ZNF37A: variants seen among roughly 807,000 people sequenced by gnomAD.
The protein encoded by ZNF37A is zinc finger protein 37a (KOX 21).
Under a neutral mutation model 12.3 loss-of-function variants are expected in ZNF37A, and 10 were observed. That is an observed-to-expected ratio of 0.82 (90% CI 0.50 to 1.38). The LOEUF is 1.38. Among genes scored for constraint, ZNF37A ranks in the 40% most tolerant of loss-of-function variants. The pLI is 0.00. For missense variants in ZNF37A, 580 were observed against 651.2 expected, an observed-to-expected ratio of 0.89 and a Z score of 1.19; for synonymous variants, 207 against 223.0, an observed-to-expected ratio of 0.93 and a Z score of 0.64.
chr10:38,113,619 G>T (rs527469311), intron 5 of ZNF37A, among the ~76,000 whole-genome samples: 5 of 152,216 alleles, frequency 3.3e-5, no homozygotes, highest in East Asian at 1.9e-4. Flanking sequence ...ACGTTCTAAG[G>T]CCTCTATGCA....
chr10:38,109,514 T>A (rs1398305506), intron 5 of ZNF37A, among the ~76,000 whole-genome samples: 2 of 152,000 alleles, frequency 1.3e-5, no homozygotes, highest in East Asian at 1.9e-4. Context: ...GAGAAAGAAA[T>A]AAAGGGTATT....
At chr10:38,101,593 T>C (rs1477240794) in intron 5 of ZNF37A, among the ~76,000 whole-genome samples, 1 of 151,824 alleles carries the variant, frequency 6.6e-6, no homozygotes, top group Non-Finnish European at 1.5e-5. Flanking sequence ...TGACCTTTTT[T>C]TTTTTTAATC....
At chr10:38,100,879 A>G (rs1014786417) in intron 5 of ZNF37A, among the ~76,000 whole-genome samples, 4 of 152,150 alleles carry the variant, frequency 2.6e-5, no homozygotes, top group Non-Finnish European at 4.4e-5. Context: ...CAGGCATAAG[A>G]AATTATAAAA....
Position 38,118,381 on chromosome 10 carries a change from T to G in ZNF37A, c.1230T>G (p.Pro410=). 1 of 1,613,692 alleles carries G rather than the reference T, an allele frequency of 6.2e-7. No individual in the cohort carries two copies. Among genetic ancestry groups the G allele is most frequent in the Non-Finnish European group, 8.5e-7 (1 of 1,179,936 alleles). ...AAAGAATACACACAGGTGAAAAACCTTATGAATGTAATGAATGTGGGAAGT... is the reference window on the plus strand; with the variant it reads ...AAAGAATACACACAGGTGAAAAACCGTATGAATGTAATGAATGTGGGAAGT... ...KHQRIHTGEK[P]YECNECGKSF... Residue 410 remains proline, a synonymous_variant, in exon 8 of 8, where the codon CCT becomes CCG. Coordinates refer to ENST00000685332, the MANE Select transcript of ZNF37A (RefSeq NM_001324250.3).
At chr10:38,112,735 C>CTT (rs1225969782) in intron 5 of ZNF37A, among the ~76,000 whole-genome samples, 1 of 24,100 alleles carries the variant, frequency 4.1e-5, no homozygotes, top group Non-Finnish European at 8.6e-5. Context: ...CATCCATTTT[C>CTT]TTTTCTTTTC....
At chr10:38,131,335 C>G (rs576394079) in intron 7 of ZNF37A, among the ~76,000 whole-genome samples, 10 of 152,174 alleles carry the variant, frequency 6.6e-5, no homozygotes, top group African/African-American at 2.4e-4. Context: ...TTAGGTCTTG[C>G]CTTTAGATCA....
chr10:38,143,349 C>A (rs539671910), intron 7 of ZNF37A: 1 of 152,332 alleles, frequency 6.6e-6, no homozygotes, highest in South Asian at 2.1e-4. Flanking sequence ...TATTTAAGGG[C>A]TATACCAAGT....
In ZNF37A at chr10:38,114,745, G is replaced by A. The variant is rs2069100753; in HGVS notation, c.16-10G>A. On this transcript the variant is annotated splice_polypyrimidine_tract_variant and intron_variant, in intron 5 of 7. Transcript: ENST00000685332. ...ATCACTTCAGACTGAGCAAAATTGT[G>A]ATTTTCCAGGGATCAGTGTCGTTTA... 1 of 1,613,896 alleles carries A rather than the reference G, an allele frequency of 6.2e-7. No homozygotes were observed. The highest frequency in any genetic ancestry group is 1.3e-5 in the African/African-American group (1 of 74,898).
rs1564374401 is a variant in ZNF37A, at chr10:38,118,800, C to G, written c.1649C>G (p.Pro550Arg). ...CAGAGAATACACTTGGGGAGAAACC[C>G]TATAAATGTAGTAAACGAGGGAAAT... ...VHQRIHLGRN[P>R]INVVNEGNYS... is the part of the protein sequence containing the mutation. The change falls in exon 8 of 8, where the codon CCT (proline) becomes CGT (arginine). Residue 550 changes from proline (P) to arginine (R), a missense_variant. Pro to Arg is a moderately radical substitution (Grantham distance 103, BLOSUM62 -2). Coordinates refer to ENST00000685332, the MANE Select transcript of ZNF37A (RefSeq NM_001324250.3). The G allele has an allele frequency of 1.3e-6, 2 of 1,594,472 alleles. No individual in the cohort carries two copies. Among genetic ancestry groups the G allele is most frequent in the Admixed American group, 3.5e-5 (2 of 56,504 alleles).
intron 5 of ZNF37A, among the ~76,000 whole-genome samples, chr10:38,107,399 A>G (rs1196622058): frequency 1.3e-5 from 2 of 152,204 alleles, no homozygotes; most frequent in East Asian, 3.8e-4. Context: ...CACTGCAACA[A>G]CATACCAAAT....
intron 7 of ZNF37A, among the ~76,000 whole-genome samples, chr10:38,145,208 G>T (rs1359862492): frequency 2.6e-5 from 3 of 116,488 alleles, no homozygotes; most frequent in African/African-American, 9.8e-5. Flanking sequence ...AATAAAAGCG[G>T]ATCCAGGGAA....
chr10:38,095,329 A>T (rs1262501407), intron 2 of ZNF37A, 105 bp downstream of exon 2: 2 of 152,214 alleles, frequency 1.3e-5, no homozygotes, highest in Admixed American at 1.3e-4. Context: ...GGGTGGGAGG[A>T]GCAGAGGCTC....
chr10:38,107,018 C>G (rs2068158813), intron 5 of ZNF37A, among the ~76,000 whole-genome samples: 1 of 152,088 alleles, frequency 6.6e-6, no homozygotes. Context: ...CACAAAGATA[C>G]TCGTAAAGAA....
intron 5 of ZNF37A, among the ~76,000 whole-genome samples, chr10:38,112,732 TTTCTTTTCTTTTC>T (rs1227834016): frequency 1.4e-5 from 1 of 73,582 alleles, no homozygotes; most frequent in African/African-American, 5.5e-5. Context: ...TTACATCCAT[TTTCTTTTCTTTTC>T]TTTTCTTTTC....
chr10:38,129,066 C>T (rs1478410647), downstream of ZNF37A, among the ~76,000 whole-genome samples: 1 of 151,904 alleles, frequency 6.6e-6, no homozygotes, highest in Non-Finnish European at 1.5e-5. Context: ...AAATTCTTTA[C>T]ATAATGTTTC....
At chr10:38,115,992 T>C (rs2069243356) in intron 7 of ZNF37A, among the ~76,000 whole-genome samples, 1 of 152,048 alleles carries the variant, frequency 6.6e-6, no homozygotes, top group South Asian at 2.1e-4. Flanking sequence ...AGTCTTGCTT[T>C]AGCCTGGGAA....
At chr10:38,099,884 C>G (rs2067422627) in intron 5 of ZNF37A, among the ~76,000 whole-genome samples, 1 of 152,142 alleles carries the variant, frequency 6.6e-6, no homozygotes, top group South Asian at 2.1e-4. Flanking sequence ...TGATGTTGAG[C>G]ATATTTTCAT....
intron 5 of ZNF37A, among the ~76,000 whole-genome samples, chr10:38,104,837 T>C (rs201419104): frequency 6.6e-6 from 1 of 152,172 alleles, no homozygotes; most frequent in East Asian, 1.9e-4. Context: ...TGTCTATACA[T>C]ATTTTTTAAA....
intron 5 of ZNF37A, among the ~76,000 whole-genome samples, chr10:38,111,971 C>T (rs2068709154): frequency 6.7e-6 from 1 of 148,928 alleles, no homozygotes; most frequent in South Asian, 2.1e-4. Context: ...AGTGCAGTGG[C>T]GCGATCTCGG....
Sources: allele counts gnomAD v4.1 joint callset (sites outside exome capture counted in the v4.1 genomes callset), GRCh38; gene constraint gnomAD v4.1.1; transcripts MANE v1.5; gene names NCBI Gene and HGNC (gene_info 2026-07-23, HGNC 2026-07-21).